Variants in DNM3 observed in about 807,000 individuals in gnomAD.
DNM3 encodes the protein dynamin 3.
DNM3 carries 47 observed loss-of-function variants against 101.6 expected under a neutral mutation model. The ratio of observed to expected loss-of-function variants is 0.46; its 90% confidence interval spans 0.37 to 0.59. The LOEUF (loss-of-function observed/expected upper bound fraction) is 0.59, where lower values mean the gene tolerates loss of function less well. Ranked by LOEUF, DNM3 falls within the 20% of genes least tolerant of loss-of-function variation. The probability of loss-of-function intolerance (pLI) is 0.00; values close to 1 mark genes in which losing one functional copy is unlikely to be tolerated. For synonymous variants in DNM3, 385 were observed against 387.9 expected, an observed-to-expected ratio of 0.99 and a Z score of 0.09; for missense variants, 849 against 1,085.7, an observed-to-expected ratio of 0.78 and a Z score of 3.06.
At chr1:172,028,163 T>C (rs977201337) in intron 4 of DNM3, among the ~76,000 whole-genome samples, 1 of 152,142 alleles carries the variant, frequency 6.6e-6, no homozygotes, top group Non-Finnish European at 1.5e-5. Flanking sequence ...ACCACATAAT[T>C]GGAAGTAAAA....
chr1:172,070,837 A>C (rs2052104939), intron 11 of DNM3, among the ~76,000 whole-genome samples: 1 of 151,954 alleles, frequency 6.6e-6, no homozygotes, highest in Admixed American at 6.6e-5. Context: ...CTGTAATCCC[A>C]GCACTTTTGG....
intron 1 of DNM3, among the ~76,000 whole-genome samples, chr1:171,852,621 G>A (rs768712237): frequency 3.9e-5 from 6 of 152,216 alleles, no homozygotes; most frequent in African/African-American, 2.4e-5. Context: ...TTGAGGAGCT[G>A]TTACTTGGAA....
At chr1:172,319,342 T>A (rs12073108) in intron 16 of DNM3, among the ~76,000 whole-genome samples, 1,626 of 152,026 alleles carry the variant, frequency 0.011, 30 homozygotes, top group African/African-American at 0.036. Context: ...GGACTTCATG[T>A]CTAAAACACC....
chr1:172,273,880 T>C (rs1178887640), intron 15 of DNM3, among the ~76,000 whole-genome samples: 2 of 152,204 alleles, frequency 1.3e-5, no homozygotes, highest in South Asian at 2.1e-4. Flanking sequence ...TTGAGGACTA[T>C]TGTGAAATGG....
rs934481738 is a variant in DNM3, at chr1:172,214,289, C to G, written c.1660-39284C>G. ...TATTGTCCTACTTGTTTAACTATTG[C>G]TGTTAACAAAGAAAAGTTTAGGAGG... On this transcript the variant is annotated intron_variant, in intron 14 of 20. Transcript: ENST00000627582. Among the ~76,000 whole-genome samples, 10 of 152,126 alleles carry G rather than the reference C, an allele frequency of 6.6e-5. No individual in the cohort carries two copies. In the South Asian group the frequency reaches 2.1e-3, roughly 32 times the overall value.
intron 4 of DNM3, among the ~76,000 whole-genome samples, chr1:172,031,070 A>G (rs1489825655): frequency 1.3e-5 from 2 of 152,244 alleles, no homozygotes; most frequent in Non-Finnish European, 2.9e-5. Flanking sequence ...CCAAAGAAAT[A>G]TAAATTATTC....
intron 14 of DNM3, among the ~76,000 whole-genome samples, chr1:172,252,780 T>G (rs1016531196): frequency 6.6e-6 from 1 of 152,182 alleles, no homozygotes; most frequent in Non-Finnish European, 1.5e-5. Context: ...CCAATAATTT[T>G]TTGGCATCCA....
At chr1:172,319,566 G>T (rs1316404906) in intron 16 of DNM3, among the ~76,000 whole-genome samples, 2 of 152,280 alleles carry the variant, frequency 1.3e-5, no homozygotes, top group Non-Finnish European at 1.5e-5. Context: ...CAAAAAGTGG[G>T]CAAAGGATAT....
intron 14 of DNM3, among the ~76,000 whole-genome samples, chr1:172,212,375 C>T (rs572830725): frequency 1.3e-5 from 2 of 152,226 alleles, no homozygotes; most frequent in South Asian, 2.1e-4. Flanking sequence ...AGCCAATTGT[C>T]AGGAGTTTTG....
At chr1:172,342,181 A>C (rs2066720331) in intron 17 of DNM3, among the ~76,000 whole-genome samples, 1 of 152,198 alleles carries the variant, frequency 6.6e-6, no homozygotes, top group African/African-American at 2.4e-5. Context: ...TAGTTCAACC[A>C]TTGTGGAAAG....
At chr1:172,043,013 C>T (rs1251259832) in intron 8 of DNM3, among the ~76,000 whole-genome samples, 1 of 152,020 alleles carries the variant, frequency 6.6e-6, no homozygotes, top group Non-Finnish European at 1.5e-5. Flanking sequence ...TTACAGGCCC[C>T]CTTGAAGAAG....
At chr1:172,120,938 T>C (rs1260647868) in intron 13 of DNM3, among the ~76,000 whole-genome samples, 2 of 152,236 alleles carry the variant, frequency 1.3e-5, no homozygotes, top group African/African-American at 4.8e-5. Flanking sequence ...ACTAACTTTC[T>C]ATTAAATCGT....
rs577402736 is a variant in DNM3, at chr1:172,113,117, G to A, written c.1546-18058G>A. On this transcript the variant is annotated intron_variant, in intron 13 of 20. Transcript: ENST00000627582. The stretch of plus-strand genomic sequence containing the variant: ...AGTTTGATGATTAAAGGTAAATAGG[G>A]TTTCCTTAGTGAAAGATTTGTCTTG... Among the ~76,000 whole-genome samples the A allele has an allele frequency of 1.6e-3, 239 of 152,222 alleles. 1 individual carries two copies. Among genetic ancestry groups the A allele is most frequent in the Non-Finnish European group, 2.8e-3 (191 of 68,016 alleles).
At chr1:172,334,948 G>GA (rs2066353061) in intron 17 of DNM3, among the ~76,000 whole-genome samples, 1 of 151,972 alleles carries the variant, frequency 6.6e-6, no homozygotes, top group Admixed American at 6.6e-5. Context: ...CACAAAAACA[G>GA]AAAAAAGTAA....
chr1:171,873,063 G>A (rs1033514358), intron 1 of DNM3, among the ~76,000 whole-genome samples: 3 of 152,070 alleles, frequency 2.0e-5, no homozygotes, highest in Non-Finnish European at 4.4e-5. Flanking sequence ...GTTATCAGAT[G>A]GATTTGGATA....
rs374583965 is a variant in DNM3 at position 172,068,839 on chromosome 1, C to T, written c.1356C>T (p.Leu452=). The T allele has an allele frequency of 2.7e-5, 43 of 1,573,566 alleles. No individual in the cohort carries two copies. The highest frequency in any genetic ancestry group is 3.5e-5 in the Non-Finnish European group (40 of 1,158,764). The change falls in exon 11 of 21, where the codon CTC becomes CTT. Residue 452 remains leucine (L), a synonymous_variant. Transcript: ENST00000627582. ...GACAGCTGGCAAACTTCCCCAGACT[C>T]TGCGAGGAAACGGAAAGGATTGTTG... ...CTKKLANFPR[L]CEETERIVAN...
intron 17 of DNM3, among the ~76,000 whole-genome samples, chr1:172,342,335 T>C (rs1416685958): frequency 1.3e-5 from 2 of 152,188 alleles, no homozygotes; most frequent in African/African-American, 2.4e-5. Context: ...CTATTCATGA[T>C]AGCAAAGATA....
At chr1:172,128,874 T>A (rs2056784055) in intron 13 of DNM3, among the ~76,000 whole-genome samples, 1 of 152,168 alleles carries the variant, frequency 6.6e-6, no homozygotes, top group Admixed American at 6.5e-5. Flanking sequence ...TGGCTTTAAT[T>A]CATATCCTGG....
At chr1:172,094,490 T>C (rs1001658981) in intron 13 of DNM3, among the ~76,000 whole-genome samples, 1 of 152,158 alleles carries the variant, frequency 6.6e-6, no homozygotes, top group African/African-American at 2.4e-5. Flanking sequence ...ACCTAGACAT[T>C]CCTGGGTTCA....
Sources: gnomAD v4.1 joint callset for allele counts (sites outside exome capture counted in the v4.1 genomes callset) on GRCh38, gnomAD v4.1.1 for gene constraint, MANE v1.5 for transcripts, NCBI Gene and HGNC (gene_info 2026-07-23, HGNC 2026-07-21) for gene names.